ATP2B2: variants seen among roughly 807,000 people sequenced by gnomAD.
ATP2B2 encodes ATPase plasma membrane Ca2+ transporting 2.
In ATP2B2, 15 loss-of-function variants were observed where a neutral mutation model predicts 120.0. The observed-to-expected ratio is 0.12, with a 90% CI of 0.08 to 0.19. The LOEUF is 0.19. Ranked by LOEUF, ATP2B2 falls within the 10% of genes least tolerant of loss-of-function variation. The pLI is 1.00. For synonymous variants in ATP2B2, 694 were observed against 700.3 expected, an observed-to-expected ratio of 0.99 and a Z score of 0.14; for missense variants, 1,045 against 1,719.8, an observed-to-expected ratio of 0.61 and a Z score of 6.94.
At chr3:10,475,418 C>T (rs1422873324) in intron 1 of ATP2B2, among the ~76,000 whole-genome samples, 2 of 152,200 alleles carry the variant, frequency 1.3e-5, no homozygotes, top group African/African-American at 4.8e-5. Flanking sequence ...GGCTGGGGAA[C>T]AGGTAAGGGG....
chr3:10,550,907 A>G (rs192434269), intron 2 of ATP2B2, among the ~76,000 whole-genome samples: 27 of 152,230 alleles, frequency 1.8e-4, no homozygotes, highest in African/African-American at 6.5e-4. Flanking sequence ...AAACCCTCCA[A>G]TCAGGCAGGT....
intron 2 of ATP2B2, among the ~76,000 whole-genome samples, chr3:10,611,436 C>A (rs1056774597): frequency 6.6e-6 from 1 of 152,160 alleles, no homozygotes; most frequent in Admixed American, 6.5e-5. Context: ...CCAGCCTCCA[C>A]TCCTCTCCCC....
intron 2 of ATP2B2, among the ~76,000 whole-genome samples, chr3:10,422,604 G>A (rs1207680499): frequency 6.6e-6 from 1 of 152,244 alleles, no homozygotes; most frequent in Admixed American, 6.5e-5. Context: ...TCACAGTTAT[G>A]TGCTCATAGC....
intron 1 of ATP2B2, among the ~76,000 whole-genome samples, chr3:10,676,386 G>A (rs1010006143): frequency 6.6e-6 from 1 of 152,114 alleles, no homozygotes; most frequent in Non-Finnish European, 1.5e-5. Context: ...GACCTTCTAT[G>A]AGCAAGACAT....
At chr3:10,481,426 C>T (rs2065407330) in intron 1 of ATP2B2, among the ~76,000 whole-genome samples, 1 of 152,146 alleles carries the variant, frequency 6.6e-6, no homozygotes, top group African/African-American at 2.4e-5. Flanking sequence ...TTCAGTCCCC[C>T]ACCTCAGGCA....
At chr3:10,631,086 A>C (rs2069851775) in intron 1 of ATP2B2, among the ~76,000 whole-genome samples, 2 of 152,220 alleles carry the variant, frequency 1.3e-5, no homozygotes, top group African/African-American at 4.8e-5. Flanking sequence ...TCCTGGAGCA[A>C]GTTACTTACT....
rs374625159 is a variant in ATP2B2, at chr3:10,449,768, G to A, written c.-225C>T. 1.9e-5 allele frequency: 12 copies of A among 618,752 alleles called. No homozygotes were observed. The highest frequency in any genetic ancestry group is 8.6e-5 in the East Asian group (3 of 34,838). 38.3% of individuals were successfully genotyped at this position (618,752 alleles called of 1,614,324 possible). A position where few individuals can be genotyped will look rare whatever the true frequency, so the allele number is the denominator to read the frequency against. ...CGGTGTGGGACGAGGTCCAGGGGCCGGAGGGGCTCAGGGCTGTAGACCCAG... is the reference window on the plus strand; with the variant it reads ...CGGTGTGGGACGAGGTCCAGGGGCCAGAGGGGCTCAGGGCTGTAGACCCAG... On this transcript the variant is annotated 5_prime_UTR_variant, in exon 2 of 23. Transcript: ENST00000360273.
intron 2 of ATP2B2, among the ~76,000 whole-genome samples, chr3:10,540,025 A>C (rs1490763099): frequency 6.6e-6 from 1 of 152,254 alleles, no homozygotes; most frequent in Non-Finnish European, 1.5e-5. Context: ...TTTACAAGAA[A>C]ATATCAAACA....
At chr3:10,684,491 T>C (rs2071469357) in intron 1 of ATP2B2, among the ~76,000 whole-genome samples, 1 of 152,258 alleles carries the variant, frequency 6.6e-6, no homozygotes, top group South Asian at 2.1e-4. Context: ...CACCAGCAAC[T>C]GAAAGAGTCT....
intron 2 of ATP2B2, among the ~76,000 whole-genome samples, chr3:10,584,841 G>T (rs2068470225): frequency 6.6e-6 from 1 of 152,162 alleles, no homozygotes; most frequent in African/African-American, 2.4e-5. Flanking sequence ...ATTTCACCTG[G>T]TTTAGCCTTT....
intron 1 of ATP2B2, among the ~76,000 whole-genome samples, chr3:10,493,019 A>ATTTG (rs1369085737): frequency 6.6e-6 from 1 of 152,002 alleles, no homozygotes; most frequent in Non-Finnish European, 1.5e-5. Context: ...TGGCCAATTC[A>ATTTG]TTTGTTCATT....
chr3:10,385,320 G>A lies in ATP2B2; in HGVS notation c.948C>T (p.Asp316=), dbSNP rs748937189. ...CTGCAGCATTTGAAGCTGCCGCACC[G>A]TCTGCTGCTGCAGGGGGGTGGGAGG... is the stretch of plus-strand genomic sequence containing the variant. ...KGDGLQLPAA[D]GAAASNAADS... is the part of the protein sequence containing the mutation. The change falls in exon 8 of 23, where the codon GAC becomes GAT. Residue 316 remains aspartate, a synonymous_variant. Coordinates refer to ENST00000360273, the MANE Select transcript of ATP2B2 (RefSeq NM_001001331.4). 38 of 1,613,630 alleles carry A rather than the reference G, an allele frequency of 2.4e-5. No individual in the cohort carries two copies. Among genetic ancestry groups the A allele is most frequent in the South Asian group, 7.7e-5 (7 of 91,062 alleles).
rs116636220 is a variant in ATP2B2, at chr3:10,391,593, C to T, written c.782-3191G>A. Among the ~76,000 whole-genome samples the T allele has an allele frequency of 2.0e-3, 312 of 152,314 alleles. 1 individual carries two copies. The highest frequency in any genetic ancestry group is 6.0e-3 in the African/African-American group (251 of 41,578). On this transcript the variant is annotated intron_variant, in intron 5 of 22. Transcript: ENST00000360273. Reference sequence around the variant, plus strand: ...CGGAGGCAGGGAGGTGGCAGGAGGACGTCAGGGAGGGGCTTAGGCATAGTG... The same window carrying T: ...CGGAGGCAGGGAGGTGGCAGGAGGATGTCAGGGAGGGGCTTAGGCATAGTG...
intron 1 of ATP2B2, among the ~76,000 whole-genome samples, chr3:10,682,637 C>T (rs1226600389): frequency 2.6e-5 from 4 of 152,180 alleles, no homozygotes; most frequent in Non-Finnish European, 5.9e-5. Flanking sequence ...TTCCTGTGGA[C>T]TCTGAGTGCA....
chr3:10,483,566 A>G (rs2065500442), intron 1 of ATP2B2, among the ~76,000 whole-genome samples: 1 of 152,154 alleles, frequency 6.6e-6, no homozygotes, highest in African/African-American at 2.4e-5. Flanking sequence ...GAGTCTGATG[A>G]GCGATCTACC....
chr3:10,631,470 G>A (rs2069863631), intron 1 of ATP2B2, among the ~76,000 whole-genome samples: 1 of 152,354 alleles, frequency 6.6e-6, no homozygotes, highest in Admixed American at 6.5e-5. Flanking sequence ...TTGGCAAGTG[G>A]CAGAGCAAGG....
chr3:10,330,478 G>A (rs2059947858), intron 22 of ATP2B2, among the ~76,000 whole-genome samples: 1 of 152,238 alleles, frequency 6.6e-6, no homozygotes. Context: ...TGGGACTTGG[G>A]ACAAAGGTGC....
intron 1 of ATP2B2, among the ~76,000 whole-genome samples, chr3:10,473,792 G>A (rs530097101): frequency 1.3e-5 from 2 of 152,314 alleles, no homozygotes; most frequent in African/African-American, 2.4e-5. Context: ...CATGCTTTTA[G>A]TAACTCAAAG....
chr3:10,472,686 T>C (rs2065061918), intron 1 of ATP2B2, among the ~76,000 whole-genome samples: 2 of 152,202 alleles, frequency 1.3e-5, no homozygotes. Flanking sequence ...GCCTGGTTTC[T>C]ACCTTCTGTA....
Sources: allele counts gnomAD v4.1 joint callset (sites outside exome capture counted in the v4.1 genomes callset), GRCh38; gene constraint gnomAD v4.1.1; transcripts MANE v1.5; gene names NCBI Gene and HGNC (gene_info 2026-07-23, HGNC 2026-07-21).